The following ANKRD50 variants were observed in gnomAD, a reference collection of about 807,000 sequenced individuals.
The protein encoded by ANKRD50 is ankyrin repeat domain 50, also known as ankyrin repeat domain-containing protein 50.
In ANKRD50, 40 loss-of-function variants were observed where a neutral mutation model predicts 112.0. That is an observed-to-expected ratio of 0.36 (90% CI 0.28 to 0.46). The LOEUF is 0.46. Among genes scored for constraint, ANKRD50 ranks in the 20% least tolerant of loss-of-function variants. The pLI is 1.00. For missense variants in ANKRD50, 1,487 were observed against 1,701.7 expected, an observed-to-expected ratio of 0.87 and a Z score of 2.22; for synonymous variants, 613 against 619.1, an observed-to-expected ratio of 0.99 and a Z score of 0.15.
rs1037722674 is a variant in ANKRD50 at position 124,712,654 on chromosome 4, C to G, written c.-960G>C. The G allele has an allele frequency of 1.9e-5, 3 of 154,222 alleles. No homozygotes were observed. Among genetic ancestry groups the G allele is most frequent in the African/African-American group, 7.3e-5 (3 of 41,342 alleles). The allele number at this position is 154,222 out of a possible 1,614,324, so 9.6% of individuals were successfully genotyped here. A position where few individuals can be genotyped will look rare whatever the true frequency, so the allele number is the denominator to read the frequency against. ...GGCCCCCGGCGGCTGCCAGTTCCAG[C>G]TTTCCCAGCAGAATCGGTCGTGCTC... On this transcript the variant is annotated 5_prime_UTR_variant, in exon 1 of 5. Coordinates refer to ENST00000504087, the MANE Select transcript of ANKRD50 (RefSeq NM_020337.3).
At position 124,667,184 on chromosome 4, in the gene ANKRD50, T is replaced by G. The variant is rs1730514301; in HGVS notation, c.*334A>C. ...TTCATATATATTTGATTATGGCACA[T>G]GCACATTTTTTATCACATCTTAACT... On this transcript the variant is annotated 3_prime_UTR_variant, in exon 5 of 5. Transcript: ENST00000504087. 1 of 152,060 alleles carries G rather than the reference T, an allele frequency of 6.6e-6. No individual in the cohort carries two copies. Among genetic ancestry groups the G allele is most frequent in the African/African-American group, 2.4e-5 (1 of 41,432 alleles). The allele number at this position is 152,060 out of a possible 1,614,324, so 9.4% of individuals were successfully genotyped here. A position where few individuals can be genotyped will look rare whatever the true frequency, so the allele number is the denominator to read the frequency against.
chr4:124,709,058 G>A (rs186648378), intron 2 of ANKRD50, among the ~76,000 whole-genome samples: 65 of 141,758 alleles, frequency 4.6e-4, no homozygotes, highest in African/African-American at 1.7e-3. Flanking sequence ...AAGCAGAAGA[G>A]AGCCACACAC....
In ANKRD50 at chr4:124,671,744, G is replaced by T; in HGVS notation, c.1533C>A (p.Asp511Glu). ...VKAGAHVNSE[D>E]DRTSCIVRQA... ...GTCGAACTATGCATGATGTGCGATC[G>T]TCTTCACTGTTGACATGAGCCCCAG... The change falls in exon 4 of 5, where the codon GAC becomes GAA. Residue 511 changes from aspartate to glutamate, a missense_variant. By Grantham distance (45) the Asp-to-Glu change is conservative. This residue lies in a region of ANKRD50 where 1,046 missense variants were observed against 1,269.5 expected (regional missense o/e 0.82). Transcript: ENST00000504087. 1 of 1,613,824 alleles carries T rather than the reference G, an allele frequency of 6.2e-7. No individual in the cohort carries two copies. The highest frequency in any genetic ancestry group is 1.1e-5 in the South Asian group (1 of 91,082).
chr4:124,683,695 G>A (rs1724942089), intron 2 of ANKRD50, among the ~76,000 whole-genome samples: 1 of 146,724 alleles, frequency 6.8e-6, no homozygotes, highest in Non-Finnish European at 1.5e-5. Flanking sequence ...CTCTTTAAGT[G>A]TTAAGAAATT....
At chr4:124,686,725 G>A (rs1249771637) in intron 2 of ANKRD50, among the ~76,000 whole-genome samples, 1 of 152,164 alleles carries the variant, frequency 6.6e-6, no homozygotes. Context: ...TCACTGCTGA[G>A]AGAGTTGTAG....
intron 2 of ANKRD50, among the ~76,000 whole-genome samples, chr4:124,683,451 T>C (rs1293380468): frequency 2.6e-5 from 4 of 152,130 alleles, no homozygotes; most frequent in African/African-American, 9.6e-5. Flanking sequence ...CTAAGAATAT[T>C]ACAATTCTTC....
Position 124,672,208 on chromosome 4 carries a change from T to G in ANKRD50, c.1069A>C (p.Ile357Leu). ...FAKVQPILNVILAACRPLTIT... is the reference protein window; with the variant it reads ...FAKVQPILNVLLAACRPLTIT... ...GTCAAAGGTCGGCAGGCTGCAAGAA[T>G]CACATTCAAAATAGGCTGAACCTTT... The change falls in exon 4 of 5, where the codon ATT (isoleucine) becomes CTT (leucine). Residue 357 changes from isoleucine to leucine, a missense_variant. Physicochemically the swap from Ile to Leu is conservative, Grantham distance 5 (BLOSUM62 2). Transcript: ENST00000504087. 1 of 1,613,870 alleles carries G rather than the reference T, an allele frequency of 6.2e-7. No homozygotes were observed.
chr4:124,672,379 T>TGC lies in ANKRD50; in HGVS notation c.896_897dup (p.Ser300AlafsTer8). On this transcript the variant is annotated frameshift_variant, in exon 4 of 5. Coordinates refer to ENST00000504087, the MANE Select transcript of ANKRD50 (RefSeq NM_020337.3). LOFTEE classifies it high-confidence loss of function. Reference sequence around the variant, plus strand: ...CGTTCTAGGTAAAGAAAGCATCCACTGCTTTTAATGTGCAGTTGATTTAAC... The same window carrying TGC: ...CGTTCTAGGTAAAGAAAGCATCCACTGCGCTTTTAATGTGCAGTTGATTTAAC... 2 of 1,613,206 alleles carry TGC rather than the reference T, an allele frequency of 1.2e-6. No individual in the cohort carries two copies. The highest frequency in any genetic ancestry group is 1.7e-6 in the Non-Finnish European group (2 of 1,179,728).
chr4:124,699,633 T>C (rs1578591306), intron 2 of ANKRD50, among the ~76,000 whole-genome samples: 1 of 152,128 alleles, frequency 6.6e-6, no homozygotes, highest in South Asian at 2.1e-4. Flanking sequence ...ATAACATAAA[T>C]CTAATGCTAT....
chr4:124,667,890 C>T (rs1730535681), intron 4 of ANKRD50, among the ~76,000 whole-genome samples: 1 of 151,786 alleles, frequency 6.6e-6, no homozygotes, highest in Non-Finnish European at 1.5e-5. Flanking sequence ...ACATTGAAGG[C>T]TGTTTATTAT....
At chr4:124,695,080 G>A (rs1725223299) in intron 2 of ANKRD50, among the ~76,000 whole-genome samples, 1 of 152,104 alleles carries the variant, frequency 6.6e-6, no homozygotes, top group Admixed American at 6.5e-5. Context: ...ATTGGAAAGA[G>A]CCAGAGAAAT....
chr4:124,677,096 T>C (rs1182901242), intron 3 of ANKRD50, among the ~76,000 whole-genome samples: 2 of 151,780 alleles, frequency 1.3e-5, no homozygotes, highest in African/African-American at 4.8e-5. Context: ...TTTGACAATA[T>C]GTATTAATAA....
intron 2 of ANKRD50, among the ~76,000 whole-genome samples, chr4:124,709,229 G>A (rs748386678): frequency 4.0e-5 from 6 of 149,894 alleles, no homozygotes; most frequent in Non-Finnish European, 7.4e-5. Context: ...CTTTTACAAT[G>A]AGCAGAGGCA....
rs1725619963 is a variant in ANKRD50 at position 124,711,091 on chromosome 4, G to A, written c.-580C>T. 8.3e-6 allele frequency: 2 copies of A among 242,288 alleles called. No individual in the cohort carries two copies. Among genetic ancestry groups the A allele is most frequent in the South Asian group, 3.6e-4 (2 of 5,630 alleles). 15.0% of individuals were successfully genotyped at this position (242,288 alleles called of 1,614,324 possible). On this transcript the variant is annotated 5_prime_UTR_variant, in exon 2 of 5. Transcript: ENST00000504087. ...GATCGTGCCAGTTTCAGGCATCTGGGCAACTGCCAGGAACTGTTTCAGATT... is the reference window on the plus strand; with the variant it reads ...GATCGTGCCAGTTTCAGGCATCTGGACAACTGCCAGGAACTGTTTCAGATT...
chr4:124,679,210 T>C (rs1724816623), intron 2 of ANKRD50, among the ~76,000 whole-genome samples: 2 of 152,138 alleles, frequency 1.3e-5, no homozygotes, highest in African/African-American at 2.4e-5. Flanking sequence ...CCCTTTCTGA[T>C]TGTTTTGAGT....
rs61739398 is a variant in ANKRD50, at chr4:124,671,569, C to G, written c.1708G>C (p.Asp570His). ...VVNLLVSRGADLEIEDAHGHT... is the reference protein window; with the variant it reads ...VVNLLVSRGAHLEIEDAHGHT... Reference sequence around the variant, plus strand: ...CCATGAGCATCTTCTATCTCTAAATCTGCTCCCCTAGAGACAAGTAAATTG... The same window carrying G: ...CCATGAGCATCTTCTATCTCTAAATGTGCTCCCCTAGAGACAAGTAAATTG... Residue 570 changes from aspartate to histidine, a missense_variant, in exon 4 of 5, where the codon GAT (aspartate) becomes CAT (histidine). This residue lies in a region of ANKRD50 where 1,046 missense variants were observed against 1,269.5 expected (regional missense o/e 0.82). Coordinates refer to ENST00000504087, the MANE Select transcript of ANKRD50 (RefSeq NM_020337.3). 2 of 1,613,658 alleles carry G rather than the reference C, an allele frequency of 1.2e-6. No homozygotes were observed. Among genetic ancestry groups the G allele is most frequent in the Non-Finnish European group, 1.7e-6 (2 of 1,179,830 alleles).
At chr4:124,698,384 TTTTA>T (rs1375541855) in intron 2 of ANKRD50, among the ~76,000 whole-genome samples, 4 of 151,702 alleles carry the variant, frequency 2.6e-5, no homozygotes, top group Non-Finnish European at 4.4e-5. Context: ...TGTTATTTAT[TTTTA>T]TTTATTACAT....
chr4:124,710,304 C>G lies in ANKRD50; in HGVS notation c.208G>C (p.Ala70Pro), dbSNP rs1295712590. 3.7e-6 allele frequency: 6 copies of G among 1,614,096 alleles called. No individual in the cohort carries two copies. In the African/African-American group the frequency reaches 8.0e-5, roughly 22 times the overall value. The change falls in exon 2 of 5, where the codon GCC becomes CCC. Residue 70 changes from alanine to proline, a missense_variant. Physicochemically the swap from Ala to Pro is conservative, Grantham distance 27. Transcript: ENST00000504087. ...CCTCCTACCAACAACACACCCCAGG[C>G]AGCTCCCTTTCCAGAGACACCACTA... ...NASGVSGKGA[A>P]WGVLLVGGPG...
intron 2 of ANKRD50, among the ~76,000 whole-genome samples, chr4:124,684,385 T>C (rs116438038): frequency 0.011 from 1,723 of 152,262 alleles, 42 homozygotes; most frequent in African/African-American, 0.039. Context: ...GATCAAAAGC[T>C]ATGGGGATGT....
Sources: allele counts gnomAD v4.1 joint callset (sites outside exome capture counted in the v4.1 genomes callset), GRCh38; gene constraint gnomAD v4.1.1; regional missense constraint gnomAD v4.1.1; transcripts MANE v1.5; gene names NCBI Gene and HGNC (gene_info 2026-07-23, HGNC 2026-07-21).